Variants in RMP64 observed in about 807,000 individuals in gnomAD.
RMP64 encodes the protein nucleolus and neural progenitor protein.
At chr3:113,008,118 C>A in the RMP64 span, 1 of 1,532,954 alleles carries the variant, frequency 6.5e-7, no homozygotes, top group South Asian at 1.1e-5. Flanking sequence ...AATACTTTTA[C>A]TCATAACAAC....
the RMP64 span, chr3:113,006,123 G>A: frequency 4.2e-6 from 3 of 714,486 alleles, no homozygotes; most frequent in Admixed American, 2.9e-5. Context: ...CTATGCCTGT[G>A]TACAATCCCA....
At chr3:113,004,466 A>AAAT in the RMP64 span, 2 of 152,248 alleles carry the variant, frequency 1.3e-5, no homozygotes, top group Admixed American at 6.5e-5. Flanking sequence ...AATGGAAGGG[A>AAAT]AATAACTTCT....
the RMP64 span, among the ~76,000 whole-genome samples, chr3:113,016,514 A>C: frequency 6.6e-6 from 1 of 152,104 alleles, no homozygotes; most frequent in African/African-American, 2.4e-5. Context: ...AGAAGGAGAA[A>C]TATATTCACT....
the RMP64 span, chr3:113,019,285 G>A: frequency 3.9e-6 from 2 of 517,738 alleles, no homozygotes. Context: ...CTCAGCGCAC[G>A]GCTGAGCCTT....
At chr3:113,002,675 GTTCT>G in the RMP64 span, 2 of 149,154 alleles carry the variant, frequency 1.3e-5, no homozygotes, top group Non-Finnish European at 2.9e-5. Context: ...GTGTGTGTGT[GTTCT>G]TTTAATAGAT....
At chr3:113,016,765 A>G in the RMP64 span, among the ~76,000 whole-genome samples, 1 of 152,214 alleles carries the variant, frequency 6.6e-6, no homozygotes, top group Non-Finnish European at 1.5e-5. Context: ...TGCCTGGCAC[A>G]CAGAAAGTTC....
the RMP64 span, among the ~76,000 whole-genome samples, chr3:113,017,209 C>T: frequency 6.6e-6 from 1 of 151,916 alleles, no homozygotes; most frequent in African/African-American, 2.4e-5. Context: ...CTATTAGAAA[C>T]AAGACTGGGA....
the RMP64 span, chr3:113,019,176 T>TGGAC: frequency 3.9e-6 from 1 of 254,582 alleles, no homozygotes; most frequent in Admixed American, 5.4e-5. Flanking sequence ...AAAGGGGAAA[T>TGGAC]GGACGGAAGG....
the RMP64 span, chr3:113,014,299 T>C: frequency 3.3e-6 from 1 of 300,014 alleles, no homozygotes; most frequent in East Asian, 7.1e-5. Context: ...CTTGATGTCA[T>C]AAAAGGGACC....
At chr3:113,003,165 A>C in the RMP64 span, 3 of 151,890 alleles carry the variant, frequency 2.0e-5, no homozygotes, top group African/African-American at 7.3e-5. Flanking sequence ...AACATGGTGA[A>C]ACCCTATCTC....
At chr3:113,005,238 T>C in the RMP64 span, 14 of 364,548 alleles carry the variant, frequency 3.8e-5, no homozygotes, top group African/African-American at 6.1e-5. Context: ...AATTATTCAG[T>C]TTTTCAGAGA....
At chr3:113,019,535 C>T in the RMP64 span, 30 of 1,608,918 alleles carry the variant, frequency 1.9e-5, no homozygotes, top group East Asian at 6.2e-4. Flanking sequence ...CCCGGCGCCT[C>T]ACTCACCAAG....
chr3:113,014,098 A>G, the RMP64 span: 2 of 934,418 alleles, frequency 2.1e-6, no homozygotes, highest in South Asian at 2.7e-5. Flanking sequence ...GATTATGACC[A>G]GGAAAGCAAA....
At chr3:113,019,666 C>G in the RMP64 span, 4 of 1,604,626 alleles carry the variant, frequency 2.5e-6, no homozygotes, top group African/African-American at 1.3e-5. Context: ...GGGGGACTTA[C>G]GAAAGGCGGA....
the RMP64 span, chr3:113,004,235 A>C: frequency 6.6e-6 from 1 of 152,228 alleles, no homozygotes; most frequent in Admixed American, 6.5e-5. Context: ...AGTAGTGTTT[A>C]TATAACTGGA....
the RMP64 span, chr3:113,019,648 G>T: frequency 2.0e-4 from 329 of 1,612,218 alleles, 6 homozygotes; most frequent in South Asian, 3.5e-3. Flanking sequence ...CAGCCATCAT[G>T]CGAGGCGGGG....
the RMP64 span, chr3:113,004,924 G>A: frequency 2.0e-5 from 3 of 152,688 alleles, no homozygotes; most frequent in Non-Finnish European, 4.4e-5. Context: ...ACGTTTTGGA[G>A]AACTCCAAAC....
the RMP64 span, among the ~76,000 whole-genome samples, chr3:113,016,675 A>G: frequency 6.6e-6 from 1 of 152,172 alleles, no homozygotes; most frequent in African/African-American, 2.4e-5. Flanking sequence ...GGGGTAGAAA[A>G]CTAACCAGAA....
the RMP64 span, chr3:113,013,271 C>A: frequency 3.1e-6 from 5 of 1,612,162 alleles, no homozygotes; most frequent in Admixed American, 5.0e-5. Context: ...TTCAAGGATA[C>A]AGAAAAGTTT....
Sources: gnomAD v4.1 joint callset for allele counts (sites outside exome capture counted in the v4.1 genomes callset) on GRCh38, gnomAD v4.1.1 for gene constraint, MANE v1.5 for transcripts, NCBI Gene and HGNC (gene_info 2026-07-23, HGNC 2026-07-21) for gene names.